The following ZFP64 variants were observed in gnomAD, a reference collection of about 807,000 sequenced individuals.
ZFP64 encodes the protein zinc finger protein 64.
A neutral mutation model predicts 51.6 loss-of-function variants in ZFP64; 14 were observed. The ratio of observed to expected loss-of-function variants is 0.27; its 90% CI spans 0.18 to 0.42. The LOEUF is 0.42. ZFP64 is among the 10% of genes least tolerant of loss of function. The pLI is 1.00. For synonymous variants in ZFP64, 375 were observed against 361.4 expected (o/e 1.04, Z -0.43); for missense variants, 754 against 906.8 (o/e 0.83, Z 2.16).
At chr20:52,188,942 C>G (rs999762768) in intron 1 of ZFP64, among the ~76,000 whole-genome samples, 14 of 151,546 alleles carry the variant, frequency 9.2e-5, no homozygotes, top group African/African-American at 3.4e-4. Flanking sequence ...TGCCACTGCA[C>G]TCCAGCCTGG....
At position 52,107,044 on chromosome 20, in the gene ZFP64, G is replaced by A. The variant is rs148043066; in HGVS notation, c.764-8457C>T. 5.0e-3 allele frequency among the ~76,000 whole-genome samples: 768 copies of A among 152,280 alleles called. 9 individuals carry two copies. Among genetic ancestry groups the A allele is most frequent in the African/African-American group, 0.017 (719 of 41,564 alleles). On this transcript the variant is annotated intron_variant, in intron 5 of 8. Transcript: ENST00000361387. ...ACCCGGGAGGTGGAGCCGAGATCGC[G>A]CCACTGCACTCCAGCCTGGGCGACA...
In ZFP64 at chr20:52,130,526, T is replaced by C. The variant is rs560881501; in HGVS notation, c.763+29597A>G. Among the ~76,000 whole-genome samples, 8 of 152,312 alleles carry C rather than the reference T, an allele frequency of 5.3e-5. No homozygotes were observed. In the South Asian group the frequency reaches 1.7e-3, roughly 32 times the overall value. ...ACTGCACCCCGTCCATTCTGCTTAT[T>C]ATTTATCTGTTTTCTCTTATGAGAA... On this transcript the variant is annotated intron_variant, in intron 5 of 8. Transcript: ENST00000361387.
chr20:52,170,529 C>A lies in ZFP64; in HGVS notation c.287-4504G>T, dbSNP rs149809462. ...GGGATCATTTTGGGGCAGGGCTAAT[C>A]CCATGTAACCTGCGAGTCATCCCAA... On this transcript the variant is annotated intron_variant, in intron 2 of 5. Coordinates refer to ENST00000216923, the MANE Select transcript of ZFP64 (RefSeq NM_018197.3). Among the ~76,000 whole-genome samples, 677 of 152,296 alleles carry A rather than the reference C, an allele frequency of 4.4e-3. 10 individuals carry two copies. The highest frequency in any genetic ancestry group is 0.015 in the African/African-American group (641 of 41,542).
chr20:52,158,061 G>A lies in ZFP64; in HGVS notation c.763+2062C>T, dbSNP rs374911519. Reference sequence around the variant, plus strand: ...ATATGTGCCACATTTTCTTTATCCAGTCTATCATTGATGGGCATTTGGGTT... The same window carrying A: ...ATATGTGCCACATTTTCTTTATCCAATCTATCATTGATGGGCATTTGGGTT... On this transcript the variant is annotated intron_variant, in intron 5 of 5. Transcript: ENST00000216923. Among the ~76,000 whole-genome samples, 11 of 152,236 alleles carry A rather than the reference G, an allele frequency of 7.2e-5. No individual in the cohort carries two copies. The South Asian group carries it at 1.2e-3, about 17-fold the overall frequency.
intron 5 of ZFP64, among the ~76,000 whole-genome samples, chr20:52,137,166 G>T (rs1355810109): frequency 6.6e-6 from 1 of 152,140 alleles, no homozygotes; most frequent in Non-Finnish European, 1.5e-5. Context: ...TAATTTTGTT[G>T]CTGAGAAGTA....
At chr20:52,100,299 G>A (rs1310419398) in intron 5 of ZFP64, among the ~76,000 whole-genome samples, 4 of 152,052 alleles carry the variant, frequency 2.6e-5, no homozygotes, top group Non-Finnish European at 4.4e-5. Context: ...AGACTGGAGT[G>A]CAGTGGTACC....
At chr20:52,106,487 GT>G (rs1259178852) in intron 5 of ZFP64, among the ~76,000 whole-genome samples, 1 of 152,156 alleles carries the variant, frequency 6.6e-6, no homozygotes, top group African/African-American at 2.4e-5. Flanking sequence ...CCGCGTATGA[GT>G]TTTACGGGGT....
chr20:52,115,539 C>T (rs373717024), intron 5 of ZFP64, among the ~76,000 whole-genome samples: 6 of 151,570 alleles, frequency 4.0e-5, no homozygotes, highest in African/African-American at 1.2e-4. Flanking sequence ...TTCAGCCTCC[C>T]GAGTAGCTGG....
intron 5 of ZFP64, among the ~76,000 whole-genome samples, chr20:52,125,337 T>A (rs1979397444): frequency 6.6e-6 from 1 of 152,146 alleles, no homozygotes; most frequent in Non-Finnish European, 1.5e-5. Flanking sequence ...GCTCAGGTGA[T>A]GGGCAGAAAG....
At chr20:52,115,174 A>G (rs1322389373) in intron 5 of ZFP64, among the ~76,000 whole-genome samples, 1 of 139,688 alleles carries the variant, frequency 7.2e-6, no homozygotes, top group Non-Finnish European at 1.5e-5. Context: ...ACTGTACTCC[A>G]GCCTGGGTAA....
At chr20:52,126,501 G>C (rs1979452064) in intron 5 of ZFP64, among the ~76,000 whole-genome samples, 1 of 152,172 alleles carries the variant, frequency 6.6e-6, no homozygotes, top group Admixed American at 6.5e-5. Flanking sequence ...TAATCTGGGT[G>C]CGTCTATGCT....
intron 5 of ZFP64, among the ~76,000 whole-genome samples, chr20:52,119,576 AACACAC>A (rs138828393): frequency 4.5e-5 from 6 of 132,554 alleles, no homozygotes; most frequent in East Asian, 2.0e-4. Context: ...ATACACACAC[AACACAC>A]ACACACACAC....
intron 2 of ZFP64, among the ~76,000 whole-genome samples, chr20:52,174,646 C>T (rs1485601101): frequency 6.6e-6 from 1 of 152,122 alleles, no homozygotes; most frequent in African/African-American, 2.4e-5. Context: ...CATAATATTT[C>T]ATCATTTTGG....
chr20:52,144,578 CAAAAAAAAAA>C (rs1156545584), intron 5 of ZFP64, among the ~76,000 whole-genome samples: 1 of 23,332 alleles, frequency 4.3e-5, no homozygotes, highest in Non-Finnish European at 7.2e-5. Context: ...GACTCCGTCT[CAAAAAAAAAA>C]AAAAAAAAAA....
intron 5 of ZFP64, among the ~76,000 whole-genome samples, chr20:52,113,336 AAAAGAAAGAAAGAAAG>A (rs137886019): frequency 6.8e-6 from 1 of 147,502 alleles, no homozygotes; most frequent in Non-Finnish European, 1.5e-5. Flanking sequence ...TCCGCCTCAA[AAAAGAAAGAAAGAAAG>A]AAAGAAAGAA....
intron 5 of ZFP64, chr20:52,111,108 G>C (rs1475941674): frequency 4.6e-6 from 4 of 876,844 alleles, no homozygotes; most frequent in Non-Finnish European, 5.6e-6. Context: ...AGAGAGACGC[G>C]GAGCGGGGCA....
At chr20:52,172,220 T>TG (rs1982808275) in intron 2 of ZFP64, among the ~76,000 whole-genome samples, 2 of 151,490 alleles carry the variant, frequency 1.3e-5, no homozygotes, top group Admixed American at 1.3e-4. Context: ...TGTGTGTGTG[T>TG]TTGTGTGTGT....
At chr20:52,114,808 C>T (rs1978774559) in intron 5 of ZFP64, among the ~76,000 whole-genome samples, 1 of 152,098 alleles carries the variant, frequency 6.6e-6, no homozygotes, top group South Asian at 2.1e-4. Flanking sequence ...ATGTTTGTTG[C>T]AAGTCATTGT....
exon 9 of ZFP64, chr20:52,084,493 T>G (rs2078842550): frequency 6.7e-7 from 1 of 1,499,606 alleles, no homozygotes; most frequent in Non-Finnish European, 9.0e-7. Context: ...TGGCCTCACC[T>G]CTGGAGGGCT....
Sources: gnomAD v4.1 joint callset for allele counts (sites outside exome capture counted in the v4.1 genomes callset) on GRCh38, gnomAD v4.1.1 for gene constraint, MANE v1.5 for transcripts, NCBI Gene and HGNC (gene_info 2026-07-23, HGNC 2026-07-21) for gene names.